MAP3K1: variants seen among roughly 807,000 people sequenced by gnomAD.
MAP3K1 encodes the protein mitogen-activated protein kinase kinase kinase 1, also known as MAP/ERK kinase kinase 1.
MAP3K1 carries 36 observed loss-of-function variants against 144.2 expected under a neutral mutation model. The ratio of observed to expected loss-of-function variants is 0.25; its 90% CI spans 0.19 to 0.33. The LOEUF is 0.33. MAP3K1 is among the 10% of genes least tolerant of loss of function. The pLI, the probability that MAP3K1 is intolerant of heterozygous loss-of-function variation, is 1.00. For missense variants in MAP3K1, 1,650 were observed against 1,881.9 expected, an observed-to-expected ratio of 0.88 and a Z score of 2.28; for synonymous variants, 718 against 688.7, an observed-to-expected ratio of 1.04 and a Z score of -0.67.
rs1363511298 is a variant in MAP3K1 at position 56,894,566 on chromosome 5, A to G, written c.*886A>G. The G allele has an allele frequency of 4.3e-6, 1 of 232,614 alleles. No individual in the cohort carries two copies. Among genetic ancestry groups the G allele is most frequent in the Non-Finnish European group, 8.5e-6 (1 of 117,658 alleles). 14.4% of individuals were successfully genotyped at this position (232,614 alleles called of 1,614,324 possible). On this transcript the variant is annotated 3_prime_UTR_variant, in exon 20 of 20. Transcript: ENST00000399503. ...AAAATAAACTGTCCTCTCTGGTGCA[A>G]CTCACAACCAAGATCAAGATTACCT... is the stretch of plus-strand genomic sequence containing the variant.
chr5:56,834,251 T>C (rs1034952664), intron 1 of MAP3K1, among the ~76,000 whole-genome samples: 3 of 152,238 alleles, frequency 2.0e-5, no homozygotes, highest in Non-Finnish European at 4.4e-5. Context: ...TATGTGTATG[T>C]ACTGTGCTAG....
chr5:56,830,097 G>A (rs1018729736), intron 1 of MAP3K1, among the ~76,000 whole-genome samples: 2 of 152,214 alleles, frequency 1.3e-5, no homozygotes, highest in Middle Eastern at 3.4e-3. Flanking sequence ...ATACAAAACC[G>A]TTGGTGTCTG....
chr5:56,817,207 C>T (rs940618298), intron 1 of MAP3K1: 3 of 514,836 alleles, frequency 5.8e-6, no homozygotes, highest in Non-Finnish European at 5.0e-6. Context: ...GTGACAGCTA[C>T]ATCCTTGTTT....
chr5:56,864,985 C>T (rs1261037485), intron 4 of MAP3K1, 51 bp downstream of exon 4: 3 of 1,491,832 alleles, frequency 2.0e-6, no homozygotes, highest in South Asian at 2.3e-5. Flanking sequence ...TATGGTACTA[C>T]CTCAAATTTA....
chr5:56,860,775 C>T (rs996496046), intron 3 of MAP3K1, among the ~76,000 whole-genome samples: 1 of 151,960 alleles, frequency 6.6e-6, no homozygotes, highest in Admixed American at 6.6e-5. Context: ...ATCGCTTGAA[C>T]CCAGGAGGCA....
chr5:56,816,801 G>T (rs1745989877), intron 1 of MAP3K1, among the ~76,000 whole-genome samples: 1 of 152,232 alleles, frequency 6.6e-6, no homozygotes, highest in Admixed American at 6.5e-5. Flanking sequence ...AAGGGGCTTT[G>T]AGTGTTCCTG....
In MAP3K1 at chr5:56,882,388, C is replaced by G. The variant is rs1428148071; in HGVS notation, c.3188C>G (p.Ser1063Cys). 2 of 1,614,154 alleles carry G rather than the reference C, an allele frequency of 1.2e-6. No homozygotes were observed. The highest frequency in any genetic ancestry group is 1.7e-6 in the Non-Finnish European group (2 of 1,179,982). The change falls in exon 14 of 20, where the codon TCT (serine) becomes TGT (cysteine). Residue 1063 changes from serine to cysteine, a missense_variant. This residue lies in a region of MAP3K1 where 841 missense variants were observed against 886.5 expected (regional missense o/e 0.95). Coordinates refer to ENST00000399503, the MANE Select transcript of MAP3K1 (RefSeq NM_005921.2). ...PSSNIHRPKP[S>C]RPTPGNTSKQ... ...AGTAACATACACAGGCCAAAGCCAT[C>G]TAGACCTACCCCAGGTAATACAAGT...
intron 19 of MAP3K1, among the ~76,000 whole-genome samples, chr5:56,889,038 A>G (rs1260328974): frequency 6.6e-6 from 1 of 152,226 alleles, no homozygotes; most frequent in Non-Finnish European, 1.5e-5. Flanking sequence ...TAGAAGAAAT[A>G]TGTAGTGTGT....
At chr5:56,850,151 A>G (rs1747125369) in intron 1 of MAP3K1, among the ~76,000 whole-genome samples, 2 of 152,296 alleles carry the variant, frequency 1.3e-5, no homozygotes, top group South Asian at 2.1e-4. Flanking sequence ...ACAATGGACT[A>G]GGATTGTTTT....
chr5:56,843,757 C>G (rs1300543166), intron 1 of MAP3K1, among the ~76,000 whole-genome samples: 1 of 152,278 alleles, frequency 6.6e-6, no homozygotes, highest in East Asian at 1.9e-4. Flanking sequence ...AATCTTTTCT[C>G]CCCATATTCA....
chr5:56,835,409 G>A (rs997792951), intron 1 of MAP3K1, among the ~76,000 whole-genome samples: 1 of 98,504 alleles, frequency 1.0e-5, no homozygotes, highest in Non-Finnish European at 2.2e-5. Context: ...AGGAGGCAGG[G>A]AAGAGTTGAC....
chr5:56,889,581 A>G (rs994197873), intron 19 of MAP3K1, among the ~76,000 whole-genome samples: 5 of 152,170 alleles, frequency 3.3e-5, no homozygotes, highest in Non-Finnish European at 7.4e-5. Context: ...AGAATAAGTA[A>G]TGGTTGATAT....
intron 3 of MAP3K1, among the ~76,000 whole-genome samples, chr5:56,863,546 A>G (rs1747584002): frequency 6.6e-6 from 1 of 152,196 alleles, no homozygotes; most frequent in Non-Finnish European, 1.5e-5. Flanking sequence ...CTATTAGTTG[A>G]TGGACATTTG....
Position 56,888,296 on chromosome 5 carries a change from C to T in MAP3K1, c.4328C>T (p.Ala1443Val), listed in dbSNP as rs565098238. 5.6e-6 allele frequency: 9 copies of T among 1,613,644 alleles called. No individual in the cohort carries two copies. The highest frequency in any genetic ancestry group is 7.6e-6 in the Non-Finnish European group (9 of 1,179,758). ...GTTGGCTGTGCTATTATAGAAATGG[C>T]TTGTGCAAAACCACCATGGAATGCA... is the stretch of plus-strand genomic sequence containing the variant. Reference protein sequence around the residue: ...WSVGCAIIEMACAKPPWNAEK... With the variant: ...WSVGCAIIEMVCAKPPWNAEK... The change falls in exon 19 of 20, where the codon GCT becomes GTT. Residue 1443 changes from alanine to valine, a missense_variant. This residue lies in a region of MAP3K1 where 165 missense variants were observed against 322.9 expected (regional missense o/e 0.51). Transcript: ENST00000399503.
rs1416014957 is a variant in MAP3K1, at chr5:56,881,456, T to G, written c.2370-114T>G. The G allele has an allele frequency of 9.8e-6, 10 of 1,017,538 alleles. No homozygotes were observed. The East Asian group carries it at 2.5e-4, about 26-fold the overall frequency. 63.0% of individuals were successfully genotyped at this position (1,017,538 alleles called of 1,614,324 possible). A position where few individuals can be genotyped will look rare whatever the true frequency, so the allele number is the denominator to read the frequency against. ...TTTAATTAAAAATTCATAGATACTT[T>G]ATGCTGAAATGGTTTTTGAAGTATA... On this transcript the variant is annotated intron_variant, in intron 13 of 19. Transcript: ENST00000399503.
chr5:56,849,804 CA>C, intron 1 of MAP3K1, among the ~76,000 whole-genome samples: 1 of 152,342 alleles, frequency 6.6e-6, no homozygotes, highest in South Asian at 2.1e-4. Context: ...TCTAGGTCAA[CA>C]GATTAAAAGT....
intron 1 of MAP3K1, among the ~76,000 whole-genome samples, chr5:56,854,564 CTAT>C (rs1322035629): frequency 6.6e-6 from 1 of 151,970 alleles, no homozygotes; most frequent in Non-Finnish European, 1.5e-5. Flanking sequence ...ATGCTCATCC[CTAT>C]TATTTATGAT....
At chr5:56,827,076 A>G (rs529192240) in intron 1 of MAP3K1, among the ~76,000 whole-genome samples, 2 of 152,322 alleles carry the variant, frequency 1.3e-5, no homozygotes, top group South Asian at 4.1e-4. Context: ...TTTGTGGCCT[A>G]GGGGTGGGTG....
intron 9 of MAP3K1, 50 bp from the exon 10 acceptor site, chr5:56,874,982 G>A (rs1184987347): frequency 2.5e-6 from 4 of 1,590,622 alleles, no homozygotes; most frequent in African/African-American, 1.3e-5. Context: ...AAATGCTCTG[G>A]GTCCATAAGC....
Sources: allele counts gnomAD v4.1 joint callset (sites outside exome capture counted in the v4.1 genomes callset), GRCh38; gene constraint gnomAD v4.1.1; regional missense constraint gnomAD v4.1.1; transcripts MANE v1.5; gene names NCBI Gene and HGNC (gene_info 2026-07-23, HGNC 2026-07-21).